CFAP52: variants seen among roughly 807,000 people sequenced by gnomAD.
The protein encoded by CFAP52 is cilia and flagella associated protein 52, also known as cilia- and flagella-associated protein 52.
In CFAP52, 57 loss-of-function variants were observed where a neutral mutation model predicts 70.5. The ratio of observed to expected loss-of-function variants is 0.81; its 90% confidence interval spans 0.65 to 1.01. The LOEUF is 1.01. CFAP52 is among the 50% of genes least tolerant of loss of function. CFAP52 has a pLI of 0.00. For synonymous variants in CFAP52, 267 were observed against 292.5 expected (o/e 0.91, Z 0.89); for missense variants, 785 against 788.5 (o/e 1.00, Z 0.05).
intron 8 of CFAP52, among the ~76,000 whole-genome samples, chr17:9,615,620 TG>T (rs941986312): frequency 1.3e-5 from 2 of 149,568 alleles, no homozygotes; most frequent in African/African-American, 4.9e-5. Context: ...ACCCTTGAAT[TG>T]TTTTTTTTTC....
chr17:9,581,798 C>T (rs572767481), intron 1 of CFAP52, among the ~76,000 whole-genome samples: 2 of 152,312 alleles, frequency 1.3e-5, no homozygotes, highest in South Asian at 4.1e-4. Context: ...TCCTTGGCAG[C>T]CAATTGAGAG....
At chr17:9,604,759 A>AAATG (rs1909414052) in intron 6 of CFAP52, among the ~76,000 whole-genome samples, 1 of 124,242 alleles carries the variant, frequency 8.0e-6, no homozygotes, top group African/African-American at 3.1e-5. Flanking sequence ...CAAAATAAAT[A>AAATG]AATAAATAAA....
At chr17:9,611,233 T>C (rs999362202) in intron 7 of CFAP52, among the ~76,000 whole-genome samples, 1 of 123,868 alleles carries the variant, frequency 8.1e-6, no homozygotes, top group Non-Finnish European at 1.8e-5. Flanking sequence ...TAGGGCCTCA[T>C]TCATGTATAT....
At chr17:9,584,378 A>G (rs964089684) in intron 1 of CFAP52, 64 of 1,274,934 alleles carry the variant, frequency 5.0e-5, no homozygotes, top group Non-Finnish European at 5.8e-5. Context: ...CCTGGTGGGC[A>G]CTCAGAACTG....
chr17:9,629,479 C>A (rs1276288195), intron 9 of CFAP52, among the ~76,000 whole-genome samples: 35 of 111,732 alleles, frequency 3.1e-4, no homozygotes, highest in Admixed American at 2.9e-3. Context: ...CTTTCCCTTT[C>A]TTTCTTTCTT....
At chr17:9,613,678 C>T (rs560631904) in intron 8 of CFAP52, among the ~76,000 whole-genome samples, 28 of 151,996 alleles carry the variant, frequency 1.8e-4, no homozygotes, top group African/African-American at 6.0e-4. Context: ...CCACCACGCC[C>T]GGCTAATTTT....
intron 6 of CFAP52, among the ~76,000 whole-genome samples, chr17:9,606,619 C>T (rs745837621): frequency 1.3e-4 from 20 of 152,112 alleles, no homozygotes; most frequent in African/African-American, 2.9e-4. Context: ...CAACCCAGGC[C>T]GACTGGCTGC....
chr17:9,577,793 T>C (rs943964239), intron 1 of CFAP52, among the ~76,000 whole-genome samples: 1 of 152,142 alleles, frequency 6.6e-6, no homozygotes, highest in African/African-American at 2.4e-5. Flanking sequence ...ACCACACACA[T>C]AGAACTCTGC....
At chr17:9,610,363 C>CA (rs1295682887) in intron 7 of CFAP52, 1 of 151,978 alleles carries the variant, frequency 6.6e-6, no homozygotes, top group Non-Finnish European at 1.5e-5. Flanking sequence ...TCACTGTTTC[C>CA]AAAATAACCC....
intron 6 of CFAP52, among the ~76,000 whole-genome samples, chr17:9,603,184 C>T (rs1053726295): frequency 6.6e-6 from 1 of 152,096 alleles, no homozygotes; most frequent in South Asian, 2.1e-4. Context: ...CTTAAGTCAC[C>T]TGTGGATGCT....
chr17:9,623,670 TTTTGTTTG>T lies in CFAP52; in HGVS notation c.1026-4978_1026-4971del, dbSNP rs112696029. Among the ~76,000 whole-genome samples the T allele has an allele frequency of 2.1e-4, 32 of 151,052 alleles. No homozygotes were observed. In the East Asian group the frequency reaches 2.2e-3, roughly 10 times the overall value. On this transcript the variant is annotated intron_variant, in intron 8 of 13. Coordinates refer to ENST00000352665, the MANE Select transcript of CFAP52 (RefSeq NM_145054.5). ...TCTCTAAAGAACTTTGCTTAGCTTTTTTTGTTTGTTTGTTTGTTTGTTTGTTTGTTTAA... is the reference window on the plus strand; with the variant it reads ...TCTCTAAAGAACTTTGCTTAGCTTTTTTTGTTTGTTTGTTTGTTTGTTTAA...
At chr17:9,602,909 A>G (rs923445414) in intron 6 of CFAP52, among the ~76,000 whole-genome samples, 6 of 152,196 alleles carry the variant, frequency 3.9e-5, no homozygotes, top group Non-Finnish European at 8.8e-5. Flanking sequence ...CCGCATAAAT[A>G]TCTTCTTTTG....
At chr17:9,623,494 T>C (rs1006592003) in intron 8 of CFAP52, among the ~76,000 whole-genome samples, 4 of 152,214 alleles carry the variant, frequency 2.6e-5, no homozygotes, top group Non-Finnish European at 4.4e-5. Flanking sequence ...TGCAATATTA[T>C]AATTTTTGCT....
At chr17:9,606,078 ATAGCC>A (rs1480377928) in intron 6 of CFAP52, among the ~76,000 whole-genome samples, 1 of 152,108 alleles carries the variant, frequency 6.6e-6, no homozygotes, top group Non-Finnish European at 1.5e-5. Flanking sequence ...TCTAAAAAAA[ATAGCC>A]TAGTAAAAAC....
In CFAP52 at chr17:9,612,420, C is replaced by G; in HGVS notation, c.966C>G (p.Phe322Leu). 1.2e-6 allele frequency: 2 copies of G among 1,614,170 alleles called. No individual in the cohort carries two copies. Among genetic ancestry groups the G allele is most frequent in the Non-Finnish European group, 1.7e-6 (2 of 1,180,036 alleles). ...SHIYRVSFTD[F>L]KETLIATCHF... is the part of the protein sequence containing the mutation. ...TTTATCGTGTCAGCTTCACGGATTT[C>G]AAAGAGACGCTCATAGCGACTTGTC... The change falls in exon 8 of 14, where the codon TTC (phenylalanine) becomes TTG (leucine). Residue 322 changes from phenylalanine (F) to leucine (L), a missense_variant. By Grantham distance (22) the Phe-to-Leu change is conservative. Transcript: ENST00000352665.
chr17:9,593,532 T>C (rs1465479405), intron 3 of CFAP52, among the ~76,000 whole-genome samples: 1 of 152,146 alleles, frequency 6.6e-6, no homozygotes, highest in Non-Finnish European at 1.5e-5. Context: ...CTTGGCTCAC[T>C]GCGACCTCCA....
intron 4 of CFAP52, among the ~76,000 whole-genome samples, chr17:9,595,238 G>A (rs1048939308): frequency 6.6e-6 from 1 of 152,100 alleles, no homozygotes. Context: ...GTTGAAGTAT[G>A]TGTTCAGTAG....
intron 8 of CFAP52, among the ~76,000 whole-genome samples, chr17:9,622,893 G>A (rs887907630): frequency 6.6e-6 from 1 of 151,708 alleles, no homozygotes; most frequent in South Asian, 2.1e-4. Flanking sequence ...AGTTTTACCT[G>A]CTTTTGAACT....
chr17:9,639,483 G>C (rs1910963656), intron 12 of CFAP52, among the ~76,000 whole-genome samples: 1 of 151,962 alleles, frequency 6.6e-6, no homozygotes, highest in Non-Finnish European at 1.5e-5. Context: ...TAAAGAGGAA[G>C]GTGAAGGTTC....
Sources: allele counts gnomAD v4.1 joint callset (sites outside exome capture counted in the v4.1 genomes callset), GRCh38; gene constraint gnomAD v4.1.1; transcripts MANE v1.5; gene names NCBI Gene and HGNC (gene_info 2026-07-23, HGNC 2026-07-21).